The following RPGR variants were observed in gnomAD, a reference collection of about 807,000 sequenced individuals.
RPGR encodes retinitis pigmentosa GTPase regulator, also known as X-linked retinitis pigmentosa GTPase regulator.
RPGR carries 10 observed loss-of-function variants against 56.3 expected under a neutral mutation model. That is an observed-to-expected ratio of 0.18 (90% CI 0.11 to 0.30). The LOEUF is 0.30. Ranked by LOEUF, RPGR falls within the 10% of genes least tolerant of loss-of-function variation. The probability of loss-of-function intolerance (pLI) is 1.00; values close to 1 mark genes in which losing one functional copy is unlikely to be tolerated. For missense variants in RPGR, 538 were observed against 590.9 expected, an observed-to-expected ratio of 0.91 and a Z score of 0.93; for synonymous variants, 197 against 212.9, an observed-to-expected ratio of 0.93 and a Z score of 0.65.
chrX:38,323,622 A>C, intron 1 of RPGR, 98 bp from the exon 2 acceptor site: 6 of 958,985 alleles, frequency 6.3e-6, no homozygotes, highest in East Asian at 3.3e-5. Context: ...CCCTTGTCTC[A>C]TGACAGCTTT....
At chrX:38,276,421 C>G (rs1438376515) in intron 16 of RPGR, among the ~76,000 whole-genome samples, 1 of 110,996 alleles carries the variant, frequency 9.0e-6, no homozygotes, top group Non-Finnish European at 1.9e-5. Flanking sequence ...TTGCTTAGTT[C>G]ACAAATAAGC....
chrX:38,279,183 A>G (rs1364532958), intron 15 of RPGR: 1 of 331,444 alleles, frequency 3.0e-6, no homozygotes, highest in South Asian at 2.6e-5. Flanking sequence ...AACTGAAACA[A>G]TTTGGGAGTG....
In RPGR at chrX:38,310,719, G is replaced by A; in HGVS notation, c.674C>T (p.Pro225Leu). Residue 225 changes from proline to leucine, a missense_variant, in exon 7 of 19, where the codon CCC becomes CTC. Physicochemically the swap from Pro to Leu is moderately conservative, Grantham distance 98. Coordinates refer to ENST00000642395, the MANE Select transcript of RPGR (RefSeq NM_000328.3). ...TCTGTGATTGCCCAGGAGCTGATTGGGAAGACCTAACTTCCCATTCTCAGG... is the reference window on the plus strand; with the variant it reads ...TCTGTGATTGCCCAGGAGCTGATTGAGAAGACCTAACTTCCCATTCTCAGG... The A allele has an allele frequency of 8.3e-7, 1 of 1,210,140 alleles. No homozygotes were observed.
chrX:38,324,342 C>A (rs1019848301), intron 1 of RPGR, among the ~76,000 whole-genome samples: 1 of 111,166 alleles, frequency 9.0e-6, no homozygotes, highest in Non-Finnish European at 1.9e-5. Flanking sequence ...AACTCCTGGG[C>A]TCCTGCCTCG....
At chrX:38,324,664 C>T (rs1243899203) in intron 1 of RPGR, among the ~76,000 whole-genome samples, 5 of 108,109 alleles carry the variant, frequency 4.6e-5, no homozygotes. Flanking sequence ...TCTGTAAACT[C>T]TTCCTCTACC....
intron 15 of RPGR, among the ~76,000 whole-genome samples, chrX:38,283,620 A>G: frequency 8.9e-6 from 1 of 112,216 alleles, no homozygotes; most frequent in African/African-American, 3.2e-5. Context: ...TACCACTTCT[A>G]AAGAGCACAA....
At chrX:38,274,887 A>C (rs1273963551) in intron 17 of RPGR, among the ~76,000 whole-genome samples, 2 of 112,441 alleles carry the variant, frequency 1.8e-5, no homozygotes, top group African/African-American at 6.5e-5. Context: ...GTATGTGAAG[A>C]AGCTGTGGTG....
chrX:38,285,086 AC>A (rs1313492128), intron 15 of RPGR: 5 of 737,069 alleles, frequency 6.8e-6, no homozygotes, highest in Non-Finnish European at 4.8e-6. Flanking sequence ...ATTATTCTAT[AC>A]AGTAGGTAAA....
At chrX:38,323,008 A>C (rs1295028185) in intron 2 of RPGR, 63 bp from the exon 3 acceptor site, 1 of 822,598 alleles carries the variant, frequency 1.2e-6, no homozygotes, top group Non-Finnish European at 1.8e-6. Flanking sequence ...AGATGAGGTC[A>C]CCACAAAGCA....
intron 7 of RPGR, among the ~76,000 whole-genome samples, chrX:38,306,711 C>A (rs1229275524): frequency 1.8e-5 from 2 of 112,370 alleles, no homozygotes; most frequent in Admixed American, 9.4e-5. Context: ...AGCTGACCAA[C>A]AATTACTCTA....
chrX:38,297,108 ATGG>A (rs2067397632), intron 11 of RPGR, among the ~76,000 whole-genome samples, 173 bp downstream of exon 11: 1 of 112,056 alleles, frequency 8.9e-6, no homozygotes, highest in Non-Finnish European at 1.9e-5. Context: ...AGGAGCACTG[ATGG>A]TGCTTTCTAC....
chrX:38,288,086 G>A (rs369317281), intron 13 of RPGR, 45 bp from the exon 14 acceptor site: 55 of 1,075,156 alleles, frequency 5.1e-5, no homozygotes, highest in Non-Finnish European at 7.1e-5. Flanking sequence ...ACTACTATTA[G>A]TTGACAAGGA....
intron 6 of RPGR, among the ~76,000 whole-genome samples, chrX:38,316,065 A>G (rs1225774797): frequency 9.0e-6 from 1 of 111,285 alleles, no homozygotes; most frequent in East Asian, 2.8e-4. Flanking sequence ...TCCAAAATTT[A>G]TAAAAAGTTG....
intron 7 of RPGR, among the ~76,000 whole-genome samples, chrX:38,309,042 T>C (rs1294028115): frequency 8.9e-6 from 1 of 112,175 alleles, no homozygotes; most frequent in Non-Finnish European, 1.9e-5. Context: ...AATTTTTTTG[T>C]GCAAAAAATA....
At chrX:38,273,600 A>G (rs1255799345) in intron 17 of RPGR, 1 of 489,525 alleles carries the variant, frequency 2.0e-6, no homozygotes, top group African/African-American at 2.4e-5. Context: ...TCACCCCTGG[A>G]GTAGTGGACA....
chrX:38,310,515 T>C (rs1435483483), intron 7 of RPGR, 100 bp downstream of exon 7: 6 of 784,043 alleles, frequency 7.7e-6, no homozygotes. Flanking sequence ...CATAGTATTC[T>C]TACCACAATA....
At chrX:38,283,217 TAAATA>T (rs2067063938) in intron 15 of RPGR, among the ~76,000 whole-genome samples, 1 of 111,832 alleles carries the variant, frequency 8.9e-6, no homozygotes, top group Non-Finnish European at 1.9e-5. Context: ...CACATGTGAT[TAAATA>T]AATGTTCGCC....
In RPGR at chrX:38,310,790, A is replaced by G. The variant is rs373591143; in HGVS notation, c.620-17T>C. On this transcript the variant is annotated splice_polypyrimidine_tract_variant and intron_variant, in intron 6 of 18. Transcript: ENST00000642395. ...CACCATCTGCTATTGAAGGAAAAGTATAGTGATTAGTGATGACATACATAT... is the reference window on the plus strand; with the variant it reads ...CACCATCTGCTATTGAAGGAAAAGTGTAGTGATTAGTGATGACATACATAT... 3.0e-5 allele frequency: 36 copies of G among 1,204,919 alleles called. No individual in the cohort carries two copies. In the African/African-American group the frequency reaches 3.3e-4, roughly 11 times the overall value.
chrX:38,299,665 G>A (rs1436255137), intron 9 of RPGR, among the ~76,000 whole-genome samples: 3 of 109,542 alleles, frequency 2.7e-5, no homozygotes, highest in Non-Finnish European at 5.7e-5. Context: ...GATTACTTGG[G>A]TGATGACAGA....
Sources: gnomAD v4.1 joint callset for allele counts (sites outside exome capture counted in the v4.1 genomes callset) on GRCh38, gnomAD v4.1.1 for gene constraint, MANE v1.5 for transcripts, NCBI Gene and HGNC (gene_info 2026-07-23, HGNC 2026-07-21) for gene names.